The following VIT variants were observed in gnomAD, a reference collection of about 807,000 sequenced individuals.
VIT encodes vitrin.
Under a neutral mutation model 78.0 loss-of-function variants are expected in VIT, and 99 were observed. That is an observed-to-expected ratio of 1.27 (90% CI 1.08 to 1.50). The LOEUF (loss-of-function observed/expected upper bound fraction) is 1.50, where lower values mean the gene tolerates loss of function less well. VIT is among the 40% of genes most tolerant of loss of function. The pLI is 0.00. For synonymous variants in VIT, 374 were observed against 334.3 expected (o/e 1.12, Z -1.29); for missense variants, 1,126 against 875.3 (o/e 1.29, Z -3.61).
At chr2:36,697,377 T>G (rs1279873302) in intron 1 of VIT, among the ~76,000 whole-genome samples, 1 of 152,242 alleles carries the variant, frequency 6.6e-6, no homozygotes, top group Non-Finnish European at 1.5e-5. Flanking sequence ...TTATAAAGAT[T>G]GTGAATGGCA....
chr2:36,813,505 C>T (rs2148693668), intron 15 of VIT, among the ~76,000 whole-genome samples: 1 of 152,168 alleles, frequency 6.6e-6, no homozygotes, highest in East Asian at 1.9e-4. Context: ...ACATGACTGC[C>T]CTGTAGCACC....
At chr2:36,728,812 C>CAAAAAAAA (rs768222712) in intron 2 of VIT, among the ~76,000 whole-genome samples, 744 of 3,330 alleles carry the variant, frequency 0.22, 273 homozygotes, top group Middle Eastern at 1. Flanking sequence ...GACTCCGTCT[C>CAAAAAAAA]AAAAAAAAAA....
At chr2:36,723,763 G>T (rs1284057036) in intron 2 of VIT, among the ~76,000 whole-genome samples, 1 of 151,982 alleles carries the variant, frequency 6.6e-6, no homozygotes, top group Non-Finnish European at 1.5e-5. Flanking sequence ...GACAGCCTGG[G>T]TAACATAGTG....
At chr2:36,763,167 C>T (rs185685160) in intron 6 of VIT, among the ~76,000 whole-genome samples, 1 of 152,306 alleles carries the variant, frequency 6.6e-6, no homozygotes, top group Admixed American at 6.5e-5. Context: ...AATGAGAATT[C>T]CACGGCCCAC....
chr2:36,708,956 C>G (rs559304337), intron 1 of VIT, among the ~76,000 whole-genome samples: 1 of 152,082 alleles, frequency 6.6e-6, no homozygotes, highest in East Asian at 1.9e-4. Flanking sequence ...TCGAGACGAG[C>G]GTGACCAACA....
At chr2:36,700,826 A>G (rs987372523) in intron 1 of VIT, among the ~76,000 whole-genome samples, 2 of 152,086 alleles carry the variant, frequency 1.3e-5, no homozygotes, top group South Asian at 2.1e-4. Context: ...TTCATATATC[A>G]ATTCATTTAA....
chr2:36,796,278 A>G (rs1665896533), intron 12 of VIT, among the ~76,000 whole-genome samples: 2 of 152,260 alleles, frequency 1.3e-5, no homozygotes, highest in Admixed American at 1.3e-4. Context: ...AGCATATATT[A>G]AATTCAATGT....
chr2:36,787,041 G>A, intron 11 of VIT, 88 bp from the exon 12 acceptor site: 1 of 1,503,812 alleles, frequency 6.6e-7, no homozygotes, highest in Non-Finnish European at 9.1e-7. Flanking sequence ...TTCTCAGGGG[G>A]CTCTGATGGA....
intron 6 of VIT, 109 bp downstream of exon 6, chr2:36,759,155 C>G: frequency 6.2e-7 from 1 of 1,603,746 alleles, no homozygotes; most frequent in Non-Finnish European, 8.5e-7. Flanking sequence ...GCTCCACTGG[C>G]TCTGGCAATA....
chr2:36,728,863 G>A (rs1279802319), intron 2 of VIT, among the ~76,000 whole-genome samples: 1 of 149,052 alleles, frequency 6.7e-6, no homozygotes. Flanking sequence ...TAAATTTAGT[G>A]TAGATGACGT....
chr2:36,799,382 T>G (rs1666148186), intron 12 of VIT, among the ~76,000 whole-genome samples: 1 of 152,186 alleles, frequency 6.6e-6, no homozygotes, highest in Non-Finnish European at 1.5e-5. Flanking sequence ...CGCTTCTTCC[T>G]GGATCCATTT....
At chr2:36,753,955 C>A (rs1668617872) in intron 4 of VIT, among the ~76,000 whole-genome samples, 1 of 152,176 alleles carries the variant, frequency 6.6e-6, no homozygotes, top group Non-Finnish European at 1.5e-5. Flanking sequence ...GTCCTGCAAC[C>A]TCACACAGCC....
At chr2:36,711,720 G>GC (rs369050657) in intron 1 of VIT, among the ~76,000 whole-genome samples, 40 of 152,250 alleles carry the variant, frequency 2.6e-4, no homozygotes, top group African/African-American at 9.6e-4. Context: ...ACACGAAGTC[G>GC]CTTTATTTAA....
intron 11 of VIT, among the ~76,000 whole-genome samples, chr2:36,786,372 G>C (rs527727511): frequency 1.3e-5 from 2 of 152,086 alleles, no homozygotes; most frequent in Admixed American, 6.6e-5. Context: ...ATTTCCATTA[G>C]CCTGTGTGGC....
intron 6 of VIT, among the ~76,000 whole-genome samples, chr2:36,761,159 GA>G (rs1273236623): frequency 6.6e-6 from 1 of 152,182 alleles, no homozygotes; most frequent in Non-Finnish European, 1.5e-5. Flanking sequence ...AGATTGGTTG[GA>G]AATAAGATGC....
At chr2:36,756,761 A>C (rs1668792304) in intron 5 of VIT, among the ~76,000 whole-genome samples, 1 of 152,236 alleles carries the variant, frequency 6.6e-6, no homozygotes, top group Non-Finnish European at 1.5e-5. Context: ...TGTCTCGAAT[A>C]CAAATATGTT....
chr2:36,761,966 G>C (rs1407511259), intron 6 of VIT, among the ~76,000 whole-genome samples: 2 of 152,240 alleles, frequency 1.3e-5, no homozygotes, highest in Non-Finnish European at 2.9e-5. Context: ...CTCACCCAAG[G>C]CCATAGTTCT....
chr2:36,733,494 T>A (rs1667329094), intron 3 of VIT, among the ~76,000 whole-genome samples: 1 of 152,180 alleles, frequency 6.6e-6, no homozygotes, highest in Non-Finnish European at 1.5e-5. Context: ...TAAGGAAGGT[T>A]GTGTTAGGGA....
intron 6 of VIT, among the ~76,000 whole-genome samples, chr2:36,766,268 C>T (rs1372808529): frequency 6.6e-6 from 1 of 152,162 alleles, no homozygotes; most frequent in Non-Finnish European, 1.5e-5. Context: ...GTGGCTTGCA[C>T]CTGTCATCCC....
Sources: gnomAD v4.1 joint callset for allele counts (sites outside exome capture counted in the v4.1 genomes callset) on GRCh38, gnomAD v4.1.1 for gene constraint, MANE v1.5 for transcripts, NCBI Gene and HGNC (gene_info 2026-07-23, HGNC 2026-07-21) for gene names.